SAMM50: variants seen among roughly 807,000 people sequenced by gnomAD.
SAMM50 encodes sorting and assembly machinery component 50 homolog.
In SAMM50, 47 loss-of-function variants were observed where a neutral mutation model predicts 66.9. That is an observed-to-expected ratio of 0.70 (90% CI 0.56 to 0.90). The LOEUF (loss-of-function observed/expected upper bound fraction) is 0.90, where lower values mean the gene tolerates loss of function less well. Among genes scored for constraint, SAMM50 ranks in the 40% least tolerant of loss-of-function variants. The probability of loss-of-function intolerance (pLI) is 0.00; values close to 1 mark genes in which losing one functional copy is unlikely to be tolerated. For missense variants in SAMM50, 535 were observed against 595.3 expected (o/e 0.90, Z 1.05); for synonymous variants, 191 against 214.1 (o/e 0.89, Z 0.94).
At chr22:43,970,487 A>T (rs1022524651) in intron 4 of SAMM50, among the ~76,000 whole-genome samples, 1 of 152,036 alleles carries the variant, frequency 6.6e-6, no homozygotes, top group Non-Finnish European at 1.5e-5. Flanking sequence ...CCCTTTAAGC[A>T]CCTGTCCTAG....
rs1199555851 is a variant in SAMM50, at chr22:43,976,834, C to G, written c.849+13C>G. ...GAAAGTTAACCAGGTAGTGTTGTTT[C>G]ACCTGTGACCCCTGCAGGGTGAGGG... is the stretch of plus-strand genomic sequence containing the variant. On this transcript the variant is annotated intron_variant, in intron 9 of 14. Coordinates refer to ENST00000350028, the MANE Select transcript of SAMM50 (RefSeq NM_015380.5). The G allele has an allele frequency of 6.3e-7, 1 of 1,596,294 alleles. No individual in the cohort carries two copies. Among genetic ancestry groups the G allele is most frequent in the East Asian group, 2.3e-5 (1 of 44,336 alleles).
At chr22:43,988,931 G>T in intron 12 of SAMM50, 180 bp from the exon 13 acceptor site, 1 of 518,908 alleles carries the variant, frequency 1.9e-6, no homozygotes, top group Non-Finnish European at 3.3e-6. Flanking sequence ...AGGAGAAAAA[G>T]AAAGATTATT....
intron 12 of SAMM50, chr22:43,986,721 T>G (rs943844171): frequency 2.0e-5 from 3 of 152,014 alleles, no homozygotes. Flanking sequence ...CCAGCTAATT[T>G]TTGTATTTTT....
At chr22:43,974,482 C>G (rs2050221127) in intron 7 of SAMM50, 1 of 152,292 alleles carries the variant, frequency 6.6e-6, no homozygotes, top group African/African-American at 2.4e-5. Context: ...CGTTAGTGCC[C>G]CAGGCCTCTG....
chr22:43,974,432 TC>T lies in SAMM50; in HGVS notation c.648+1111del, dbSNP rs533179321. Reference sequence around the variant, plus strand: ...GGTTGGATGAGAGGCGTGGTAAAGCTCCTGATGCGGCGCGTGGCGCAGTTTA... The same window carrying T: ...GGTTGGATGAGAGGCGTGGTAAAGCTCTGATGCGGCGCGTGGCGCAGTTTA... On this transcript the variant is annotated intron_variant, in intron 7 of 14. Coordinates refer to ENST00000350028, the MANE Select transcript of SAMM50 (RefSeq NM_015380.5). Among the ~76,000 whole-genome samples, 8 of 152,314 alleles carry T rather than the reference TC, an allele frequency of 5.3e-5. No individual in the cohort carries two copies. In the East Asian group the frequency reaches 1.4e-3, roughly 26 times the overall value.
At position 43,972,927 on chromosome 22, in the gene SAMM50, G is replaced by A. The variant is rs935075323; in HGVS notation, c.486G>A (p.Gln162=). The change falls in exon 6 of 15, where the codon CAG becomes CAA. Residue 162 remains glutamine, a synonymous_variant. Coordinates refer to ENST00000350028, the MANE Select transcript of SAMM50 (RefSeq NM_015380.5). ...LLGRAEKVTF[Q]FSYGTKETSY... ...GTCGTGCAGAAAAGGTGACCTTTCA[G>A]TTTTCCTATGGAACAAAAGAAACTT... The A allele has an allele frequency of 6.2e-7, 1 of 1,603,132 alleles. No individual in the cohort carries two copies. The highest frequency in any genetic ancestry group is 1.4e-5 in the African/African-American group (1 of 73,594).
chr22:43,987,875 A>T (rs2050302288), intron 12 of SAMM50: 1 of 150,104 alleles, frequency 6.7e-6, no homozygotes, highest in African/African-American at 2.5e-5. Context: ...TTAAAACTGA[A>T]AAAAAGTAGG....
chr22:43,996,077 G>A, intron 14 of SAMM50: 1 of 575,844 alleles, frequency 1.7e-6, no homozygotes, highest in Non-Finnish European at 3.1e-6. Flanking sequence ...GAGGTGAGGA[G>A]GGAGTAGTGC....
chr22:43,991,303 C>T (rs1386005944), intron 14 of SAMM50, among the ~76,000 whole-genome samples: 3 of 138,492 alleles, frequency 2.2e-5, no homozygotes, highest in Non-Finnish European at 3.1e-5. Flanking sequence ...TTTTGAGACT[C>T]GGTCTTTCTC....
At chr22:43,988,541 A>C (rs2050305709) in intron 12 of SAMM50, 1 of 152,316 alleles carries the variant, frequency 6.6e-6, no homozygotes, top group African/African-American at 2.4e-5. Flanking sequence ...ACACTTTGGC[A>C]AAAGTAACCT....
intron 14 of SAMM50, among the ~76,000 whole-genome samples, chr22:43,994,561 T>G (rs1014257692): frequency 5.3e-5 from 8 of 152,230 alleles, no homozygotes; most frequent in Admixed American, 5.2e-4. Flanking sequence ...AGAGTCCAAG[T>G]TCGTCAGAAG....
chr22:43,967,250 C>T (rs578093430), intron 3 of SAMM50, among the ~76,000 whole-genome samples: 57 of 152,294 alleles, frequency 3.7e-4, no homozygotes, highest in African/African-American at 1.3e-3. Context: ...GAGCTGTAGC[C>T]CTGACTATGC....
rs566440187 is a variant in SAMM50, at chr22:43,964,398, A to G, written c.133-54A>G. The G allele has an allele frequency of 1.8e-5, 16 of 872,420 alleles. No homozygotes were observed. The South Asian group carries it at 2.2e-4, about 12-fold the overall frequency. 54.0% of individuals were successfully genotyped at this position (872,420 alleles called of 1,614,324 possible). On this transcript the variant is annotated intron_variant, in intron 2 of 14. Transcript: ENST00000350028. ...CCTTGACATTGTCTTTAGTCTTGAC[A>G]CCTAATCTGTTTGCCTCATGTCATC... is the stretch of plus-strand genomic sequence containing the variant.
intron 11 of SAMM50, among the ~76,000 whole-genome samples, chr22:43,982,295 C>A (rs1000269235): frequency 6.6e-6 from 1 of 152,220 alleles, no homozygotes; most frequent in Non-Finnish European, 1.5e-5. Flanking sequence ...TCCATTGTAG[C>A]ATTGCTGATG....
At chr22:43,990,464 G>A (rs745794411) in intron 14 of SAMM50, 58 bp downstream of exon 14, 1 of 1,540,476 alleles carries the variant, frequency 6.5e-7, no homozygotes, top group Non-Finnish European at 8.9e-7. Flanking sequence ...ATTTTATTTT[G>A]TTTTGGACGT....
At chr22:43,990,472 C>T (rs537906985) in intron 14 of SAMM50, 66 bp downstream of exon 14, 41 of 1,505,170 alleles carry the variant, frequency 2.7e-5, no homozygotes, top group Admixed American at 9.0e-5. Flanking sequence ...TTGTTTTGGA[C>T]GTGGTTAATT....
chr22:43,982,621 GT>G (rs2050270372), intron 11 of SAMM50, among the ~76,000 whole-genome samples: 1 of 152,032 alleles, frequency 6.6e-6, no homozygotes, highest in African/African-American at 2.4e-5. Context: ...GTGATTTATC[GT>G]TTCTTTTTTA....
At chr22:43,962,592 G>A (rs964462478) in intron 1 of SAMM50, among the ~76,000 whole-genome samples, 1 of 152,100 alleles carries the variant, frequency 6.6e-6, no homozygotes. Context: ...GAGACTTTCT[G>A]AAATGAAAAA....
chr22:43,983,982 A>G lies in SAMM50; in HGVS notation c.1057A>G (p.Ile353Val), dbSNP rs959797810. 2.5e-6 allele frequency: 4 copies of G among 1,611,802 alleles called. No homozygotes were observed. In the East Asian group the frequency reaches 9.0e-5, roughly 36 times the overall value. Reference sequence around the variant, plus strand: ...CATCCGCGGATTCAGCATGCACAGCATCGGGCCACAGAGCGAAGGTCTGTC... The same window carrying G: ...CATCCGCGGATTCAGCATGCACAGCGTCGGGCCACAGAGCGAAGGTCTGTC... ...TSIRGFSMHS[I>V]GPQSEGDYLG... The change falls in exon 12 of 15, where the codon ATC becomes GTC. Residue 353 changes from isoleucine to valine, a missense_variant. Ile to Val is a conservative substitution (Grantham distance 29). Coordinates refer to ENST00000350028, the MANE Select transcript of SAMM50 (RefSeq NM_015380.5). The surrounding 1 kb of genome is among the most constrained non-coding windows in gnomAD (Gnocchi z 4.2).
Sources: allele counts gnomAD v4.1 joint callset (sites outside exome capture counted in the v4.1 genomes callset), GRCh38; gene constraint gnomAD v4.1.1; non-coding constraint Gnocchi (gnomAD v3.1); transcripts MANE v1.5; gene names NCBI Gene and HGNC (gene_info 2026-07-23, HGNC 2026-07-21).